Variants in REDIC1 observed in about 807,000 individuals in gnomAD.
REDIC1 encodes regulator of DNA class I crossover intermediates 1, also known as HEI10 Interacting Protein 1.
the REDIC1 span, among the ~76,000 whole-genome samples, chr12:39,642,311 T>C: frequency 6.6e-6 from 1 of 151,626 alleles, no homozygotes; most frequent in Non-Finnish European, 1.5e-5. Flanking sequence ...CCTTTGACAG[T>C]CTTTGTATTG....
the REDIC1 span, among the ~76,000 whole-genome samples, chr12:39,866,669 C>CG: frequency 2.0e-5 from 3 of 152,006 alleles, no homozygotes; most frequent in Admixed American, 6.6e-5. Context: ...TTAGTAGAGA[C>CG]GGGGTTTCAC....
chr12:39,820,938 GC>G, the REDIC1 span, among the ~76,000 whole-genome samples: 5 of 151,226 alleles, frequency 3.3e-5, no homozygotes, highest in African/African-American at 1.2e-4. Context: ...ACTCACATTA[GC>G]CCCTACTTAA....
the REDIC1 span, among the ~76,000 whole-genome samples, chr12:39,791,237 G>A: frequency 6.9e-6 from 1 of 145,894 alleles, no homozygotes; most frequent in Non-Finnish European, 1.5e-5. Context: ...AATAATAAGA[G>A]CTATCTATGA....
chr12:39,679,548 C>G, the REDIC1 span, among the ~76,000 whole-genome samples: 6 of 152,102 alleles, frequency 3.9e-5, no homozygotes, highest in African/African-American at 1.4e-4. Context: ...AGAATTAATA[C>G]TGTAAAAATG....
the REDIC1 span, chr12:39,683,250 A>G: frequency 3.9e-6 from 5 of 1,269,084 alleles, no homozygotes; most frequent in East Asian, 1.3e-4. Context: ...ATGTGTGTTT[A>G]TGTGTTTGGA....
chr12:39,831,269 C>A, the REDIC1 span, among the ~76,000 whole-genome samples: 1 of 152,072 alleles, frequency 6.6e-6, no homozygotes, highest in Non-Finnish European at 1.5e-5. Flanking sequence ...AGCTGGGAAC[C>A]GTTTTAAATG....
At chr12:39,844,279 T>C in the REDIC1 span, among the ~76,000 whole-genome samples, 2 of 152,202 alleles carry the variant, frequency 1.3e-5, no homozygotes, top group Middle Eastern at 3.4e-3. Flanking sequence ...ATAGGGTAGA[T>C]AGACAGTCCT....
the REDIC1 span, among the ~76,000 whole-genome samples, chr12:39,700,316 G>A: frequency 1.1e-4 from 16 of 152,160 alleles, no homozygotes; most frequent in Admixed American, 1.3e-4. Context: ...GAGCCGATGC[G>A]ATCAACTGGA....
At chr12:39,839,418 A>G in the REDIC1 span, among the ~76,000 whole-genome samples, 1 of 152,246 alleles carries the variant, frequency 6.6e-6, no homozygotes, top group South Asian at 2.1e-4. Flanking sequence ...TTAAAAGGCT[A>G]GGGGCCTACT....
the REDIC1 span, among the ~76,000 whole-genome samples, chr12:39,811,369 A>AT: frequency 2.0e-5 from 3 of 151,524 alleles, no homozygotes; most frequent in East Asian, 3.9e-4. Context: ...CTTGCTCTTC[A>AT]TTTTTTAGCT....
the REDIC1 span, among the ~76,000 whole-genome samples, chr12:39,799,254 CTT>C: frequency 1.8e-4 from 20 of 113,276 alleles, no homozygotes; most frequent in African/African-American, 6.2e-4. Flanking sequence ...TATGCTTAGC[CTT>C]TTTTTTTTTT....
chr12:39,811,319 A>G, the REDIC1 span, among the ~76,000 whole-genome samples: 5 of 151,914 alleles, frequency 3.3e-5, no homozygotes, highest in Non-Finnish European at 5.9e-5. Flanking sequence ...ATTGTTTCCT[A>G]CTACCATTAT....
chr12:39,684,852 A>G, the REDIC1 span: 15 of 1,594,808 alleles, frequency 9.4e-6, no homozygotes, highest in Non-Finnish European at 1.2e-5. Flanking sequence ...GATACTGTGT[A>G]TTTATAATCC....
At chr12:39,711,421 TTA>T in the REDIC1 span, among the ~76,000 whole-genome samples, 21 of 131,646 alleles carry the variant, frequency 1.6e-4, no homozygotes, top group African/African-American at 5.4e-4. Flanking sequence ...ATATATGTAC[TTA>T]TGTGTATATG....
At chr12:39,751,397 A>G in the REDIC1 span, among the ~76,000 whole-genome samples, 2 of 152,246 alleles carry the variant, frequency 1.3e-5, no homozygotes, top group Non-Finnish European at 2.9e-5. Context: ...AGAAGTCAGG[A>G]AACAACAGGT....
the REDIC1 span, among the ~76,000 whole-genome samples, chr12:39,662,752 A>G: frequency 0.74 from 111,907 of 152,024 alleles, 42,611 homozygotes; most frequent in Non-Finnish European, 0.84. Context: ...TCAGTATGAT[A>G]CCTGTGGGCT....
the REDIC1 span, among the ~76,000 whole-genome samples, chr12:39,786,995 T>A: frequency 1.3e-5 from 2 of 151,928 alleles, no homozygotes; most frequent in Admixed American, 6.6e-5. Context: ...TTCTTTTTTT[T>A]AAAAAAATAA....
At chr12:39,695,772 G>T in the REDIC1 span, among the ~76,000 whole-genome samples, 1 of 152,160 alleles carries the variant, frequency 6.6e-6, no homozygotes, top group Admixed American at 6.5e-5. Flanking sequence ...CAGTAGCCAG[G>T]TAGTGGTTAC....
chr12:39,749,984 A>G, the REDIC1 span, among the ~76,000 whole-genome samples: 2 of 152,336 alleles, frequency 1.3e-5, no homozygotes, highest in South Asian at 4.1e-4. Context: ...AAAAACTGGA[A>G]GCATTCCCTT....
Sources: allele counts gnomAD v4.1 joint callset (sites outside exome capture counted in the v4.1 genomes callset), GRCh38; gene constraint gnomAD v4.1.1; transcripts MANE v1.5; gene names NCBI Gene and HGNC (gene_info 2026-07-23, HGNC 2026-07-21).